The following COL25A1 variants were observed in gnomAD, a reference collection of about 807,000 sequenced individuals.
COL25A1 encodes collagen alpha-1(XXV) chain.
COL25A1 carries 103 observed loss-of-function variants against 128.4 expected under a neutral mutation model. That is an observed-to-expected ratio of 0.80 (90% CI 0.68 to 0.94). COL25A1 has a LOEUF of 0.94. COL25A1 is among the 40% of genes least tolerant of loss of function. COL25A1 has a pLI of 0.00. For synonymous variants in COL25A1, 279 were observed against 277.2 expected (o/e 1.01, Z -0.06); for missense variants, 745 against 840.0 (o/e 0.89, Z 1.40).
intron 5 of COL25A1, among the ~76,000 whole-genome samples, chr4:109,032,647 C>G (rs1203629870): frequency 6.6e-6 from 1 of 152,214 alleles, no homozygotes; most frequent in African/African-American, 2.4e-5. Flanking sequence ...AAATCAGATA[C>G]TGTAATGTTA....
chr4:108,841,080 G>A (rs1311721552), intron 31 of COL25A1, among the ~76,000 whole-genome samples: 1 of 152,192 alleles, frequency 6.6e-6, no homozygotes, highest in East Asian at 1.9e-4. Flanking sequence ...CAAAGGCAAA[G>A]GACAGGTGGA....
intron 13 of COL25A1, among the ~76,000 whole-genome samples, chr4:108,902,240 C>T (rs1179341640): frequency 6.6e-6 from 1 of 151,890 alleles, no homozygotes; most frequent in Non-Finnish European, 1.5e-5. Context: ...ATAATAGTAA[C>T]ATTTCTTAAG....
In COL25A1 at chr4:109,302,042, G is replaced by A; in HGVS notation, c.-23C>T. ...CATCGTGGCGGGGTCGGCCGTCTCG[G>A]CTTCGCTTCCCACCCTCTACACCTC... On this transcript the variant is annotated 5_prime_UTR_variant, in exon 2 of 38. Transcript: ENST00000399132. 6.4e-7 allele frequency: 1 copy of A among 1,562,340 alleles called. No individual in the cohort carries two copies. Among genetic ancestry groups the A allele is most frequent in the African/African-American group, 1.4e-5 (1 of 73,958 alleles).
At chr4:108,934,834 A>C (rs1009462044) in intron 11 of COL25A1, among the ~76,000 whole-genome samples, 2 of 152,164 alleles carry the variant, frequency 1.3e-5, no homozygotes, top group African/African-American at 4.8e-5. Context: ...ACAGGAATAC[A>C]TCTGTTATAT....
chr4:109,199,975 T>C (rs1776421729), intron 3 of COL25A1, among the ~76,000 whole-genome samples: 1 of 152,220 alleles, frequency 6.6e-6, no homozygotes, highest in Non-Finnish European at 1.5e-5. Flanking sequence ...TTTAAACTGC[T>C]GAGATTTCAG....
intron 6 of COL25A1, among the ~76,000 whole-genome samples, chr4:109,006,825 G>A (rs186681677): frequency 4.9e-4 from 74 of 152,176 alleles, no homozygotes; most frequent in African/African-American, 1.3e-3. Context: ...ACCAAACACC[G>A]CATGTTCTCA....
chr4:108,980,019 C>G (rs976832090), intron 6 of COL25A1, among the ~76,000 whole-genome samples: 2 of 152,140 alleles, frequency 1.3e-5, no homozygotes, highest in Non-Finnish European at 2.9e-5. Context: ...AAATACCACT[C>G]TGTCAGAGAA....
At chr4:109,294,385 A>G (rs1724771228) in intron 3 of COL25A1, among the ~76,000 whole-genome samples, 1 of 152,124 alleles carries the variant, frequency 6.6e-6, no homozygotes, top group Admixed American at 6.6e-5. Flanking sequence ...TCACTCTTCT[A>G]TACTTAACTT....
At chr4:109,060,687 C>CA (rs112449642) in intron 3 of COL25A1, among the ~76,000 whole-genome samples, 16,900 of 124,032 alleles carry the variant, frequency 0.14, 3,067 homozygotes, top group African/African-American at 0.42. Context: ...ACTCAATTTT[C>CA]AAAAAAAAAA....
intron 6 of COL25A1, among the ~76,000 whole-genome samples, chr4:108,997,578 T>G (rs1303195862): frequency 6.6e-6 from 1 of 152,222 alleles, no homozygotes; most frequent in African/African-American, 2.4e-5. Flanking sequence ...CTTCTGAAAC[T>G]ATTTCAATCA....
At chr4:109,224,240 G>T (rs1221354078) in intron 3 of COL25A1, among the ~76,000 whole-genome samples, 1 of 152,006 alleles carries the variant, frequency 6.6e-6, no homozygotes, top group African/African-American at 2.4e-5. Context: ...TTGGTATGGG[G>T]GTTTGATCAA....
At chr4:108,935,729 C>T (rs1020273545) in intron 11 of COL25A1, among the ~76,000 whole-genome samples, 4 of 152,034 alleles carry the variant, frequency 2.6e-5, no homozygotes, top group Admixed American at 2.0e-4. Context: ...TCAGGTCAAA[C>T]ATTTGTATTT....
intron 3 of COL25A1, among the ~76,000 whole-genome samples, chr4:109,086,214 C>A (rs1349435017): frequency 6.6e-6 from 1 of 152,186 alleles, no homozygotes; most frequent in African/African-American, 2.4e-5. Context: ...TGCAGCATAA[C>A]AAATTTGAAC....
intron 5 of COL25A1, 24 bp from the exon 6 acceptor site, chr4:109,010,399 A>C (rs765562005): frequency 1.4e-4 from 209 of 1,538,520 alleles, no homozygotes; most frequent in Non-Finnish European, 1.8e-4. Flanking sequence ...GAAAAAGAAA[A>C]ACAATTACAA....
intron 3 of COL25A1, among the ~76,000 whole-genome samples, chr4:109,128,354 T>G (rs1768832065): frequency 6.6e-6 from 1 of 152,184 alleles, no homozygotes; most frequent in Non-Finnish European, 1.5e-5. Flanking sequence ...GAGCTAACAT[T>G]CTTTTCTGCC....
At chr4:108,852,202 T>A in intron 26 of COL25A1, 34 bp downstream of exon 26, 2 of 1,549,840 alleles carry the variant, frequency 1.3e-6, no homozygotes, top group Non-Finnish European at 1.8e-6. Flanking sequence ...CTGCACTGTA[T>A]GTGATAAATG....
At chr4:109,052,217 AT>A (rs1337524494) in intron 3 of COL25A1, among the ~76,000 whole-genome samples, 1 of 152,018 alleles carries the variant, frequency 6.6e-6, no homozygotes, top group African/African-American at 2.4e-5. Context: ...TATGAAAAAA[AT>A]GATTAAAGAA....
intron 8 of COL25A1, among the ~76,000 whole-genome samples, chr4:108,950,644 C>T (rs569070886): frequency 2.7e-4 from 41 of 152,260 alleles, no homozygotes; most frequent in Admixed American, 3.9e-4. Context: ...GAGACGTAGA[C>T]TCTGTTCTTC....
At chr4:108,989,179 C>G (rs1753938679) in intron 6 of COL25A1, among the ~76,000 whole-genome samples, 1 of 152,236 alleles carries the variant, frequency 6.6e-6, no homozygotes, top group Non-Finnish European at 1.5e-5. Context: ...AGGAGGCTTC[C>G]ATCCAGATGA....
Sources: allele counts gnomAD v4.1 joint callset (sites outside exome capture counted in the v4.1 genomes callset), GRCh38; gene constraint gnomAD v4.1.1; transcripts MANE v1.5; gene names NCBI Gene and HGNC (gene_info 2026-07-23, HGNC 2026-07-21).